DHX32: variants seen among roughly 807,000 people sequenced by gnomAD.
The protein encoded by DHX32 is DEAH-box helicase 32 (putative).
A neutral mutation model predicts 70.0 loss-of-function variants in DHX32; 51 were observed. The observed-to-expected ratio is 0.73, with a 90% CI of 0.58 to 0.92. The LOEUF (loss-of-function observed/expected upper bound fraction) is 0.92. DHX32 is among the 40% of genes least tolerant of loss of function. The pLI, the probability that DHX32 is intolerant of heterozygous loss-of-function variation, is 0.00. For synonymous variants in DHX32, 310 were observed against 315.3 expected, an observed-to-expected ratio of 0.98 and a Z score of 0.18; for missense variants, 762 against 891.8, an observed-to-expected ratio of 0.85 and a Z score of 1.85.
chr10:125,893,366 C>T lies in DHX32; in HGVS notation c.-248+2852G>A, dbSNP rs557355683. Reference sequence around the variant, plus strand: ...TCACGCCATTCTCCTGGCTCAGCCTCCCGAGTAGCTGGGACTACGGGCGCC... The same window carrying T: ...TCACGCCATTCTCCTGGCTCAGCCTTCCGAGTAGCTGGGACTACGGGCGCC... On this transcript the variant is annotated intron_variant, in intron 1 of 2. Transcript: ENST00000415732. 3.2e-3 allele frequency among the ~76,000 whole-genome samples: 482 copies of T among 152,298 alleles called. 3 individuals carry two copies. Among genetic ancestry groups the T allele is most frequent in the Middle Eastern group, 0.014 (4 of 294 alleles).
intron 2 of DHX32, among the ~76,000 whole-genome samples, chr10:125,862,293 C>A (rs1564828753): frequency 6.6e-6 from 1 of 152,200 alleles, no homozygotes; most frequent in African/African-American, 2.4e-5. Context: ...TCTTTTCATA[C>A]AGGTTCTCAT....
chr10:125,886,194 C>T (rs1227829101), upstream of DHX32, among the ~76,000 whole-genome samples: 1 of 152,268 alleles, frequency 6.6e-6, no homozygotes, highest in African/African-American at 2.4e-5. Context: ...CTCAGATATC[C>T]AAATGGCTAG....
intron 6 of DHX32, among the ~76,000 whole-genome samples, chr10:125,845,685 C>G (rs1431101922): frequency 6.6e-6 from 1 of 152,208 alleles, no homozygotes; most frequent in African/African-American, 2.4e-5. Flanking sequence ...GATAGAGTGG[C>G]CTCCATGGTA....
chr10:125,878,224 A>G (rs1247953308), intron 1 of DHX32, among the ~76,000 whole-genome samples: 1 of 152,218 alleles, frequency 6.6e-6, no homozygotes, highest in African/African-American at 2.4e-5. Flanking sequence ...ACATTTTGAG[A>G]AAGTGTAGAC....
In DHX32 at chr10:125,880,754, G is replaced by A. The variant is rs2134073731; in HGVS notation, c.71C>T (p.Ser24Phe). ...EKRYFPESLDSSDGDEEEVLA... is the reference protein window; with the variant it reads ...EKRYFPESLDFSDGDEEEVLA... ...AACCTCTTCCTCATCCCCATCGCTG[G>A]AATCCAGGGATTCAGGAAAATAGCG... The change falls in exon 1 of 11, where the codon TCC becomes TTC. Residue 24 changes from serine to phenylalanine, a missense_variant. By Grantham distance (155) the Ser-to-Phe change is radical. Around this residue, in one of 3 missense-constraint regions of DHX32, gnomAD observed 394 missense variants for 473.1 expected, o/e 0.83. Transcript: ENST00000284690. The A allele has an allele frequency of 1.2e-6, 2 of 1,614,156 alleles. No homozygotes were observed. Among genetic ancestry groups the A allele is most frequent in the Non-Finnish European group, 1.7e-6 (2 of 1,180,038 alleles).
rs566760524 is a variant in DHX32, at chr10:125,872,689, A to C, written c.283-5506T>G. On this transcript the variant is annotated intron_variant, in intron 1 of 10. Coordinates refer to ENST00000284690, the MANE Select transcript of DHX32 (RefSeq NM_018180.3). ...CTAAATTCAGTTTTCTGTACTTCTG[A>C]TGTGCCATTTGCATAAAGCCAGAGC... Among the ~76,000 whole-genome samples the C allele has an allele frequency of 8.5e-4, 130 of 152,200 alleles. 1 individual carries two copies. Among genetic ancestry groups the C allele is most frequent in the African/African-American group, 3.0e-3 (123 of 41,526 alleles).
At chr10:125,854,753 C>T (rs1181713193) in intron 3 of DHX32, 2 of 152,232 alleles carry the variant, frequency 1.3e-5, no homozygotes, top group Non-Finnish European at 2.9e-5. Flanking sequence ...GCTTGCACTT[C>T]CTTTTTCCAC....
intron 6 of DHX32, among the ~76,000 whole-genome samples, chr10:125,845,242 A>T (rs1287369356): frequency 6.6e-6 from 1 of 152,172 alleles, no homozygotes; most frequent in East Asian, 1.9e-4. Context: ...TTGGCTCCCA[A>T]ACCCTCACAG....
rs781107173 is a variant in DHX32 at position 125,838,990 on chromosome 10, C to T, written c.1881+11G>A. On this transcript the variant is annotated intron_variant, in intron 9 of 10. Coordinates refer to ENST00000284690, the MANE Select transcript of DHX32 (RefSeq NM_018180.3). ...CAGAGCCTATGCTGAGGTGACCCCACCCCTTCTCACCTGCATAAAGTAACC... is the reference window on the plus strand; with the variant it reads ...CAGAGCCTATGCTGAGGTGACCCCATCCCTTCTCACCTGCATAAAGTAACC... 3.1e-6 allele frequency: 5 copies of T among 1,611,230 alleles called. No homozygotes were observed. Among genetic ancestry groups the T allele is most frequent in the Middle Eastern group, 1.7e-4 (1 of 5,962 alleles).
intron 1 of DHX32, among the ~76,000 whole-genome samples, chr10:125,871,734 G>A (rs1944256759): frequency 1.3e-5 from 2 of 152,236 alleles, no homozygotes; most frequent in South Asian, 4.1e-4. Flanking sequence ...TCGATAATTT[G>A]AGTATTTCAC....
At chr10:125,839,464 T>A (rs1204047948) in intron 8 of DHX32, among the ~76,000 whole-genome samples, 1 of 152,226 alleles carries the variant, frequency 6.6e-6, no homozygotes, top group African/African-American at 2.4e-5. Context: ...CTGTTCCTAG[T>A]GGTGACTGAA....
intron 1 of DHX32, among the ~76,000 whole-genome samples, chr10:125,870,279 A>G (rs1221997250): frequency 6.6e-6 from 1 of 152,152 alleles, no homozygotes; most frequent in Non-Finnish European, 1.5e-5. Context: ...AGAGATAGGC[A>G]TGGTAGTTGC....
intron 1 of DHX32, among the ~76,000 whole-genome samples, chr10:125,872,891 C>T (rs1044958075): frequency 2.6e-5 from 4 of 152,182 alleles, no homozygotes; most frequent in East Asian, 1.9e-4. Flanking sequence ...AGGAGTCCTC[C>T]GGGTAATCAA....
At chr10:125,861,941 G>C (rs1221909613) in intron 2 of DHX32, among the ~76,000 whole-genome samples, 1 of 149,282 alleles carries the variant, frequency 6.7e-6, no homozygotes, top group Non-Finnish European at 1.5e-5. Context: ...AAAAAAAAAA[G>C]GAAGTAAACA....
chr10:125,851,515 A>G (rs529932604), intron 6 of DHX32, among the ~76,000 whole-genome samples: 2 of 152,318 alleles, frequency 1.3e-5, no homozygotes, highest in South Asian at 2.1e-4. Context: ...TGCCTAGGAA[A>G]TCAACAGGTG....
rs1854767814 is a variant in DHX32, at chr10:125,838,375, C to T, written c.1894G>A (p.Val632Ile). The change falls in exon 10 of 11, where the codon GTT (valine) becomes ATT (isoleucine). Residue 632 changes from valine to isoleucine, a missense_variant. Transcript: ENST00000284690. ...SGYFMQIARDVDGSGNYLMLT... is the reference protein window; with the variant it reads ...SGYFMQIARDIDGSGNYLMLT... Reference sequence around the variant, plus strand: ...ATTAAGTAGTTACCTGATCCATCAACATCCCGAGCAATCTGAAAGGCAGAA... The same window carrying T: ...ATTAAGTAGTTACCTGATCCATCAATATCCCGAGCAATCTGAAAGGCAGAA... 4 of 1,576,704 alleles carry T rather than the reference C, an allele frequency of 2.5e-6. No homozygotes were observed. Among genetic ancestry groups the T allele is most frequent in the African/African-American group, 1.4e-5 (1 of 72,994 alleles).
At chr10:125,888,887 C>T (rs1201201985) in intron 1 of DHX32, among the ~76,000 whole-genome samples, 1 of 152,294 alleles carries the variant, frequency 6.6e-6, no homozygotes, top group Non-Finnish European at 1.5e-5. Context: ...TAGTGAAACC[C>T]CGTCTCTACT....
intron 6 of DHX32, among the ~76,000 whole-genome samples, chr10:125,849,481 C>A (rs1944063380): frequency 6.6e-6 from 1 of 152,218 alleles, no homozygotes; most frequent in Admixed American, 6.5e-5. Flanking sequence ...CTTTTTCACA[C>A]CCCCTCATCT....
rs1854799081 is a variant in DHX32 at position 125,839,244 on chromosome 10, A to G, written c.1694-56T>C. On this transcript the variant is annotated intron_variant, in intron 8 of 10. Transcript: ENST00000284690. ...AAATGATTTGTCAGAAGCTCTGAAG[A>G]GCCCAGGCCAGGCAGTTGCCATCTT... is the stretch of plus-strand genomic sequence containing the variant. 4.5e-6 allele frequency: 7 copies of G among 1,561,778 alleles called. 1 individual carries two copies. In the African/African-American group the frequency reaches 9.5e-5, roughly 21 times the overall value.
Sources: allele counts gnomAD v4.1 joint callset (sites outside exome capture counted in the v4.1 genomes callset), GRCh38; gene constraint gnomAD v4.1.1; regional missense constraint gnomAD v4.1.1; transcripts MANE v1.5; gene names NCBI Gene and HGNC (gene_info 2026-07-23, HGNC 2026-07-21).